NKAIN2: variants seen among roughly 807,000 people sequenced by gnomAD.
The protein encoded by NKAIN2 is sodium/potassium-transporting ATPase subunit beta-1-interacting protein 2.
In NKAIN2, 14 loss-of-function variants were observed where a neutral mutation model predicts 32.6. That is an observed-to-expected ratio of 0.43 (90% CI 0.28 to 0.67). The LOEUF (loss-of-function observed/expected upper bound fraction) is 0.67, where lower values mean the gene tolerates loss of function less well. Ranked by LOEUF, NKAIN2 falls within the 30% of genes least tolerant of loss-of-function variation. The probability of loss-of-function intolerance (pLI) is 0.17; values close to 1 mark genes in which losing one functional copy is unlikely to be tolerated. For synonymous variants in NKAIN2, 80 were observed against 87.2 expected, an observed-to-expected ratio of 0.92 and a Z score of 0.46; for missense variants, 198 against 258.3, an observed-to-expected ratio of 0.77 and a Z score of 1.60.
intron 6 of NKAIN2, 41 bp from the exon 7 acceptor site, chr6:124,823,179 C>G: frequency 6.9e-7 from 1 of 1,446,750 alleles, no homozygotes; most frequent in South Asian, 1.1e-5. Flanking sequence ...AGGCACCTGT[C>G]ACTTTCCCCC....
intron 3 of NKAIN2, among the ~76,000 whole-genome samples, chr6:124,439,355 G>C (rs897507495): frequency 6.1e-5 from 8 of 132,216 alleles, no homozygotes; most frequent in African/African-American, 9.5e-5. Context: ...CTATCCACTT[G>C]TTGTTTTTTT....
At chr6:124,117,989 A>G (rs1266188622) in intron 1 of NKAIN2, among the ~76,000 whole-genome samples, 1 of 151,750 alleles carries the variant, frequency 6.6e-6, no homozygotes, top group Non-Finnish European at 1.5e-5. Context: ...TTTCTCCTCA[A>G]GATACAGCCC....
At chr6:123,958,546 G>A (rs746262134) in intron 1 of NKAIN2, among the ~76,000 whole-genome samples, 4 of 152,212 alleles carry the variant, frequency 2.6e-5, no homozygotes, top group African/African-American at 4.8e-5. Flanking sequence ...TTAAAAGGAC[G>A]CTAATCTCAT....
intron 2 of NKAIN2, among the ~76,000 whole-genome samples, chr6:124,292,312 C>A (rs2753153): frequency 6.6e-6 from 1 of 151,950 alleles, no homozygotes; most frequent in African/African-American, 2.4e-5. Flanking sequence ...CTGGCAATTG[C>A]TTCATTCTGC....
chr6:124,756,567 A>G (rs1032789984), intron 4 of NKAIN2, among the ~76,000 whole-genome samples: 3 of 152,094 alleles, frequency 2.0e-5, no homozygotes, highest in Non-Finnish European at 4.4e-5. Flanking sequence ...GGCCTAGGAG[A>G]AGGATCACTT....
At chr6:124,810,399 C>G (rs909358173) in intron 5 of NKAIN2, among the ~76,000 whole-genome samples, 1 of 151,898 alleles carries the variant, frequency 6.6e-6, no homozygotes, top group Non-Finnish European at 1.5e-5. Context: ...AACCAAACAC[C>G]GCATATTCTC....
chr6:124,689,111 C>T (rs976032247), intron 4 of NKAIN2, among the ~76,000 whole-genome samples: 1 of 152,112 alleles, frequency 6.6e-6, no homozygotes, highest in Non-Finnish European at 1.5e-5. Context: ...GATGATAGTT[C>T]CTCTTCCTCC....
rs71541239 is a variant in NKAIN2 at position 123,970,110 on chromosome 6, G to GATATAT, written c.54+165867_54+165872dup. ...CACACAAAATACTGATTATTAAATGGATATATATATATATATGTATAAATG... is the reference window on the plus strand; with the variant it reads ...CACACAAAATACTGATTATTAAATGGATATATATATATATATATATATGTATAAATG... On this transcript the variant is annotated intron_variant, in intron 1 of 6. Transcript: ENST00000368417. Among the ~76,000 whole-genome samples, 180 of 149,278 alleles carry GATATAT rather than the reference G, an allele frequency of 1.2e-3. 1 individual carries two copies. Among genetic ancestry groups the GATATAT allele is most frequent in the Middle Eastern group, 3.5e-3 (1 of 284 alleles).
chr6:123,934,766 G>A (rs1438849631), intron 1 of NKAIN2, among the ~76,000 whole-genome samples: 2 of 151,990 alleles, frequency 1.3e-5, no homozygotes, highest in Non-Finnish European at 2.9e-5. Context: ...CAGTCACCGT[G>A]ACAGTGCTTT....
intron 1 of NKAIN2, among the ~76,000 whole-genome samples, chr6:124,190,740 A>G (rs1242299711): frequency 6.6e-6 from 1 of 152,166 alleles, no homozygotes; most frequent in African/African-American, 2.4e-5. Flanking sequence ...GACAAATTAC[A>G]TGTAAGATTA....
intron 4 of NKAIN2, among the ~76,000 whole-genome samples, chr6:124,671,155 G>A (rs1469336617): frequency 6.6e-6 from 1 of 152,048 alleles, no homozygotes; most frequent in Non-Finnish European, 1.5e-5. Flanking sequence ...AGAGGGAGGA[G>A]AAGGTTCTAT....
At chr6:123,870,028 A>G (rs1772784499) in intron 1 of NKAIN2, among the ~76,000 whole-genome samples, 1 of 152,180 alleles carries the variant, frequency 6.6e-6, no homozygotes, top group African/African-American at 2.4e-5. Flanking sequence ...TTGGGAATGT[A>G]ACATGGTGGT....
At chr6:124,490,479 C>A in intron 3 of NKAIN2, 1 of 350,078 alleles carries the variant, frequency 2.9e-6, no homozygotes, top group Non-Finnish European at 5.5e-6. Flanking sequence ...ACATTAATAG[C>A]TAATGGCTTA....
intron 2 of NKAIN2, among the ~76,000 whole-genome samples, chr6:124,300,369 TC>T (rs1796244647): frequency 6.6e-6 from 1 of 152,114 alleles, no homozygotes; most frequent in African/African-American, 2.4e-5. Context: ...TTGTGAGACC[TC>T]CCCAGCCATG....
intron 3 of NKAIN2, among the ~76,000 whole-genome samples, chr6:124,417,989 G>C (rs1774570910): frequency 6.6e-6 from 1 of 152,154 alleles, no homozygotes; most frequent in Non-Finnish European, 1.5e-5. Flanking sequence ...ATTCTTAACT[G>C]TGTCACACTG....
intron 1 of NKAIN2, among the ~76,000 whole-genome samples, chr6:124,217,677 A>C (rs1438143901): frequency 6.6e-6 from 1 of 152,128 alleles, no homozygotes. Context: ...TCTCGACTGC[A>C]TGAATAAATG....
At position 124,523,517 on chromosome 6, in the gene NKAIN2, G is replaced by T. The variant is rs1016361522; in HGVS notation, c.274-134669G>T. 3.3e-5 allele frequency among the ~76,000 whole-genome samples: 5 copies of T among 150,990 alleles called. No homozygotes were observed. In the East Asian group the frequency reaches 5.9e-4, roughly 18 times the overall value. ...GTGAATCACAATGGAAAGTAGGAGA[G>T]AAATGAAATAAATATCACAGACACA... On this transcript the variant is annotated intron_variant, in intron 3 of 6. Transcript: ENST00000368417.
chr6:123,940,779 C>CT (rs1453693735), intron 1 of NKAIN2, among the ~76,000 whole-genome samples: 3 of 151,914 alleles, frequency 2.0e-5, no homozygotes, highest in African/African-American at 4.8e-5. Flanking sequence ...ATGCGAAGGC[C>CT]TAGGACATTA....
chr6:123,994,166 A>G (rs1377116320), intron 1 of NKAIN2, among the ~76,000 whole-genome samples: 1 of 151,350 alleles, frequency 6.6e-6, no homozygotes, highest in Admixed American at 6.6e-5. Flanking sequence ...AATGAATCTC[A>G]GTTTGGAGAA....
Sources: allele counts gnomAD v4.1 joint callset (sites outside exome capture counted in the v4.1 genomes callset), GRCh38; gene constraint gnomAD v4.1.1; transcripts MANE v1.5; gene names NCBI Gene and HGNC (gene_info 2026-07-23, HGNC 2026-07-21).